The following CAB39 variants were observed in gnomAD, a reference collection of about 807,000 sequenced individuals.
CAB39 encodes calcium-binding protein 39.
In CAB39, 8 loss-of-function variants were observed where a neutral mutation model predicts 40.0. The observed-to-expected ratio is 0.20, with a 90% CI of 0.12 to 0.36. The LOEUF (loss-of-function observed/expected upper bound fraction) is 0.36. CAB39 is among the 10% of genes least tolerant of loss of function. CAB39 has a pLI of 1.00. For missense variants in CAB39, 270 were observed against 401.1 expected (o/e 0.67, Z 2.79); for synonymous variants, 156 against 141.6 (o/e 1.10, Z -0.72).
In CAB39 at chr2:230,725,031, G is replaced by A. The variant is rs890408570; in HGVS notation, c.-44+11801G>A. On this transcript the variant is annotated intron_variant, in intron 1 of 8. Coordinates refer to ENST00000258418, the MANE Select transcript of CAB39 (RefSeq NM_016289.4). ...CTCCCAAAAGACCCCGGAGTACGTC[G>A]GAGGTGAGTACAACAATAGCAATCT... 70 of 1,299,164 alleles carry A rather than the reference G, an allele frequency of 5.4e-5. No individual in the cohort carries two copies. The African/African-American group carries it at 7.3e-4, about 14-fold the overall frequency. The allele number at this position is 1,299,164 out of a possible 1,614,324, so 80.5% of individuals were successfully genotyped here.
At chr2:230,715,320 T>C (rs1202629669) in intron 1 of CAB39, among the ~76,000 whole-genome samples, 2 of 152,262 alleles carry the variant, frequency 1.3e-5, no homozygotes, top group Non-Finnish European at 2.9e-5. Flanking sequence ...TGAAAGTTTC[T>C]TGTTTGAAGT....
intron 6 of CAB39, 41 bp from the exon 7 acceptor site, chr2:230,814,008 T>G: frequency 2.1e-6 from 1 of 465,882 alleles, no homozygotes; most frequent in Non-Finnish European, 4.0e-6. Context: ...TTTTTTTTTT[T>G]TTTTGGCAAT....
At chr2:230,817,328 G>A (rs1160644786) in intron 7 of CAB39, among the ~76,000 whole-genome samples, 6 of 152,150 alleles carry the variant, frequency 3.9e-5, no homozygotes, top group Admixed American at 6.5e-5. Context: ...GGAAAGTCCC[G>A]CTAAATAAAA....
chr2:230,758,373 G>C (rs1010016237), intron 1 of CAB39, among the ~76,000 whole-genome samples: 4 of 151,692 alleles, frequency 2.6e-5, no homozygotes, highest in African/African-American at 9.7e-5. Flanking sequence ...ATTTCTCTTT[G>C]GTTAATTTTG....
intron 1 of CAB39, among the ~76,000 whole-genome samples, chr2:230,735,941 A>G (rs1030203486): frequency 1.3e-5 from 2 of 152,236 alleles, no homozygotes; most frequent in African/African-American, 4.8e-5. Context: ...ACTTACCAGA[A>G]AGGAGAACGA....
At chr2:230,713,559 C>CGGGGGGGG (rs1047046959) in intron 1 of CAB39, 1 of 152,400 alleles carries the variant, frequency 6.6e-6, no homozygotes, top group Non-Finnish European at 1.5e-5. Flanking sequence ...GTCGGGCGGG[C>CGGGGGGGG]GGGGAAGTGC....
chr2:230,717,098 T>C (rs1306289589), intron 1 of CAB39, among the ~76,000 whole-genome samples: 1 of 152,210 alleles, frequency 6.6e-6, no homozygotes, highest in Non-Finnish European at 1.5e-5. Context: ...TGAACGTCTT[T>C]ACATGTTACA....
intron 1 of CAB39, among the ~76,000 whole-genome samples, chr2:230,737,766 A>C (rs545001550): frequency 1.8e-4 from 28 of 152,324 alleles, no homozygotes; most frequent in African/African-American, 6.5e-4. Flanking sequence ...TTAAATTTTT[A>C]TGTTCCCTTG....
At chr2:230,808,389 A>C (rs57342755) in intron 5 of CAB39, among the ~76,000 whole-genome samples, 8,927 of 152,084 alleles carry the variant, frequency 0.059, 896 homozygotes, top group African/African-American at 0.2. Flanking sequence ...TACAGACAAA[A>C]CTTGCCCTGT....
chr2:230,766,176 C>T (rs1695382548), intron 2 of CAB39, among the ~76,000 whole-genome samples: 1 of 152,168 alleles, frequency 6.6e-6, no homozygotes, highest in Non-Finnish European at 1.5e-5. Flanking sequence ...TGATGTCATA[C>T]TGAAAATCTG....
intron 8 of CAB39, chr2:230,818,176 C>G (rs1307677722): frequency 1.3e-5 from 6 of 456,322 alleles, no homozygotes; most frequent in Non-Finnish European, 2.3e-5. Flanking sequence ...TTTCTTAATG[C>G]TTTCTGTGGA....
At position 230,790,989 on chromosome 2, in the gene CAB39, G is replaced by A. The variant is rs756746461; in HGVS notation, c.232G>A (p.Gly78Arg). Residue 78 changes from glycine to arginine, a missense_variant, in exon 3 of 9, where the codon GGG (glycine) becomes AGG (arginine). Gly to Arg is a moderately radical substitution (Grantham distance 125, BLOSUM62 -2). Transcript: ENST00000258418. ...ACTTGCTCAAGAACTCTATAATAGTGGGCTCCTTAGCACCCTGGTAGCTGA... is the reference window on the plus strand; with the variant it reads ...ACTTGCTCAAGAACTCTATAATAGTAGGCTCCTTAGCACCCTGGTAGCTGA... ...AQLAQELYNS[G>R]LLSTLVADLQ... The A allele has an allele frequency of 6.2e-7, 1 of 1,610,416 alleles. No individual in the cohort carries two copies. The highest frequency in any genetic ancestry group is 8.5e-7 in the Non-Finnish European group (1 of 1,178,490).
chr2:230,773,480 A>G (rs1695529314), intron 2 of CAB39, among the ~76,000 whole-genome samples: 1 of 152,142 alleles, frequency 6.6e-6, no homozygotes, highest in African/African-American at 2.4e-5. Flanking sequence ...CAGAAAGGCC[A>G]TTGGAAGGCT....
At chr2:230,774,303 T>C (rs1695546838) in intron 2 of CAB39, among the ~76,000 whole-genome samples, 1 of 152,194 alleles carries the variant, frequency 6.6e-6, no homozygotes, top group Non-Finnish European at 1.5e-5. Flanking sequence ...ATGTTGGTAT[T>C]TGTATTTGTT....
rs115114775 is a variant in CAB39, at chr2:230,795,516, G to A, written c.398+2185G>A. Among the ~76,000 whole-genome samples, 675 of 152,054 alleles carry A rather than the reference G, an allele frequency of 4.4e-3. 4 individuals are homozygous for A. Among genetic ancestry groups the A allele is most frequent in the African/African-American group, 0.015 (632 of 41,466 alleles). On this transcript the variant is annotated intron_variant, in intron 4 of 8. Coordinates refer to ENST00000258418, the MANE Select transcript of CAB39 (RefSeq NM_016289.4). ...GATCTGGCTTTTTTTTATTAGATTC[G>A]GATTCACTTTGAGGGGGGCAAAAGT...
chr2:230,748,831 A>AAAAAAAAT (rs1386799920), intron 1 of CAB39, among the ~76,000 whole-genome samples: 8 of 28,508 alleles, frequency 2.8e-4, no homozygotes, highest in Admixed American at 1.3e-3. Context: ...AAAAAAAAAA[A>AAAAAAAAT]ATATATATAT....
intron 2 of CAB39, among the ~76,000 whole-genome samples, chr2:230,768,973 T>A (rs1695436303): frequency 6.6e-6 from 1 of 152,156 alleles, no homozygotes. Context: ...TCAGATTGGA[T>A]GAAAGAATCC....
At chr2:230,803,376 A>G (rs886753111) in intron 5 of CAB39, among the ~76,000 whole-genome samples, 7 of 152,200 alleles carry the variant, frequency 4.6e-5, no homozygotes, top group African/African-American at 1.4e-4. Flanking sequence ...CACCACTCCT[A>G]TTCAACATAG....
intron 1 of CAB39, among the ~76,000 whole-genome samples, chr2:230,742,155 T>TTTTGTTTTG (rs549239968): frequency 1.3e-5 from 2 of 150,992 alleles, no homozygotes; most frequent in Non-Finnish European, 3.0e-5. Flanking sequence ...TTTTGTTTTG[T>TTTTGTTTTG]TTTGTTTGTT....
Sources: allele counts gnomAD v4.1 joint callset (sites outside exome capture counted in the v4.1 genomes callset), GRCh38; gene constraint gnomAD v4.1.1; transcripts MANE v1.5; gene names NCBI Gene and HGNC (gene_info 2026-07-23, HGNC 2026-07-21).